Variants in PARD3B observed in about 807,000 individuals in gnomAD.
The protein encoded by PARD3B is par-3 family cell polarity regulator beta.
PARD3B carries 103 observed loss-of-function variants against 130.2 expected under a neutral mutation model. The observed-to-expected ratio is 0.79, with a 90% CI of 0.67 to 0.93. The LOEUF (loss-of-function observed/expected upper bound fraction) is 0.93, where lower values mean the gene tolerates loss of function less well. Ranked by LOEUF, PARD3B falls within the 40% of genes least tolerant of loss-of-function variation. The pLI is 0.00. For synonymous variants in PARD3B, 583 were observed against 553.2 expected (o/e 1.05, Z -0.76); for missense variants, 1,609 against 1,499.2 (o/e 1.07, Z -1.21).
chr2:204,586,788 T>C (rs1199493354), intron 1 of PARD3B, among the ~76,000 whole-genome samples: 1 of 152,210 alleles, frequency 6.6e-6, no homozygotes, highest in Non-Finnish European at 1.5e-5. Context: ...TATTTTAACA[T>C]AGTACGTGAA....
At chr2:204,800,895 A>G (rs184089073) in intron 2 of PARD3B, among the ~76,000 whole-genome samples, 3 of 152,220 alleles carry the variant, frequency 2.0e-5, no homozygotes, top group Non-Finnish European at 2.9e-5. Context: ...TGTATAAGGT[A>G]TAAGGAAGGG....
intron 3 of PARD3B, among the ~76,000 whole-genome samples, chr2:205,036,704 CA>C (rs1414753253): frequency 7.1e-6 from 1 of 140,876 alleles, no homozygotes; most frequent in Non-Finnish European, 1.6e-5. Flanking sequence ...ACTGTATGTA[CA>C]AAAAATATAT....
chr2:205,122,186 A>G lies in PARD3B; in HGVS notation c.1165+237A>G, dbSNP rs1559460912. On this transcript the variant is annotated intron_variant, in intron 8 of 22. Coordinates refer to ENST00000406610, the MANE Select transcript of PARD3B (RefSeq NM_001302769.2). The surrounding 1 kb of genome is among the most constrained non-coding windows in gnomAD (Gnocchi z 4.3). ...TAATAAAGACATGTTGGGAAGTGGA[A>G]AGAATCATTGCAAACCTGATATCAA... 6.6e-6 allele frequency among the ~76,000 whole-genome samples: 1 copy of G among 152,202 alleles called. No homozygotes were observed. Among genetic ancestry groups the G allele is most frequent in the Non-Finnish European group, 1.5e-5 (1 of 68,040 alleles).
Position 205,584,844 on chromosome 2 carries a change from G to A in PARD3B, c.3261-30612G>A, listed in dbSNP as rs1007282257. Among the ~76,000 whole-genome samples, 12 of 152,128 alleles carry A rather than the reference G, an allele frequency of 7.9e-5. No individual in the cohort carries two copies. The highest frequency in any genetic ancestry group is 2.9e-4 in the African/African-American group (12 of 41,434). ...AGTTTGAAGAGCTCATGTTCAGCCT[G>A]AGCCTTCTTTTTTGGAAAACACTTT... On this transcript the variant is annotated intron_variant, in intron 22 of 22. Coordinates refer to ENST00000406610, the MANE Select transcript of PARD3B (RefSeq NM_001302769.2). This position sits in a 1 kb window ranked among gnomAD's most constrained non-coding sequence, Gnocchi z 5.5.
chr2:204,631,116 G>A (rs768596131), intron 1 of PARD3B, among the ~76,000 whole-genome samples: 1 of 151,996 alleles, frequency 6.6e-6, no homozygotes, highest in Non-Finnish European at 1.5e-5. Context: ...TCTTAACACT[G>A]CTTTAGCTGA....
Position 205,302,065 on chromosome 2 carries a change from C to CTTTTTTTTTTTTTTTT in PARD3B, c.2630+372_2630+387dup, listed in dbSNP as rs3048088. On this transcript the variant is annotated intron_variant, in intron 18 of 22. Coordinates refer to ENST00000406610, the MANE Select transcript of PARD3B (RefSeq NM_001302769.2). ...CTATTCTTTTTTTCTTTTTTCTTTT[C>CTTTTTTTTTTTTTTTT]TTTTTTTTTTTTTTTTTTTTTTTGA... 7.3e-4 allele frequency among the ~76,000 whole-genome samples: 57 copies of CTTTTTTTTTTTTTTTT among 77,774 alleles called. 2 individuals are homozygous for CTTTTTTTTTTTTTTTT. Among genetic ancestry groups the CTTTTTTTTTTTTTTTT allele is most frequent in the South Asian group, 1.2e-3 (2 of 1,650 alleles). 51.0% of individuals were successfully genotyped at this position (77,774 alleles called of 152,430 possible).
chr2:205,268,954 T>C lies in PARD3B; in HGVS notation c.2185+23132T>C, dbSNP rs948878914. Reference sequence around the variant, plus strand: ...AGAGTATAGTCTTGAATAAAAGGTGTACCCAAGTATGAATAAAATAAGTAT... The same window carrying C: ...AGAGTATAGTCTTGAATAAAAGGTGCACCCAAGTATGAATAAAATAAGTAT... On this transcript the variant is annotated intron_variant, in intron 16 of 22. Transcript: ENST00000406610. This position sits in a 1 kb window ranked among gnomAD's most constrained non-coding sequence, Gnocchi z 4.1. Among the ~76,000 whole-genome samples, 3 of 152,142 alleles carry C rather than the reference T, an allele frequency of 2.0e-5. No homozygotes were observed. The highest frequency in any genetic ancestry group is 7.2e-5 in the African/African-American group (3 of 41,436).
At chr2:205,381,587 A>T (rs1298818504) in intron 18 of PARD3B, among the ~76,000 whole-genome samples, 1 of 151,906 alleles carries the variant, frequency 6.6e-6, no homozygotes, top group East Asian at 1.9e-4. Context: ...TTTTAGAGTA[A>T]TCCTTCCAGC....
chr2:205,031,775 A>G (rs1293119389), intron 3 of PARD3B, among the ~76,000 whole-genome samples: 1 of 152,202 alleles, frequency 6.6e-6, no homozygotes, highest in African/African-American at 2.4e-5. Flanking sequence ...CTGCAAGTTA[A>G]TAAGTAGCTC....
At chr2:204,838,641 T>C (rs1420379388) in intron 2 of PARD3B, among the ~76,000 whole-genome samples, 1 of 152,080 alleles carries the variant, frequency 6.6e-6, no homozygotes, top group Non-Finnish European at 1.5e-5. Flanking sequence ...TAAGACCTAG[T>C]GTTTGATAGA....
At chr2:205,435,192 A>G (rs912028606) in intron 19 of PARD3B, among the ~76,000 whole-genome samples, 1 of 152,070 alleles carries the variant, frequency 6.6e-6, no homozygotes, top group Non-Finnish European at 1.5e-5. Context: ...ATTCTTCCAG[A>G]CATTTTCTAT....
intron 2 of PARD3B, among the ~76,000 whole-genome samples, chr2:204,804,922 A>G (rs1040192978): frequency 6.6e-6 from 1 of 152,200 alleles, no homozygotes; most frequent in Non-Finnish European, 1.5e-5. Context: ...AAATTCCTTG[A>G]AACAAAATGT....
rs191497888 is a variant in PARD3B at position 204,783,900 on chromosome 2, T to G, written c.222+97618T>G. Reference sequence around the variant, plus strand: ...TTCGATGAGATTTCTTTTGGCTTTTTGGAATACAGTATAAAAACTAGTTTC... The same window carrying G: ...TTCGATGAGATTTCTTTTGGCTTTTGGGAATACAGTATAAAAACTAGTTTC... On this transcript the variant is annotated intron_variant, in intron 2 of 22. Coordinates refer to ENST00000406610, the MANE Select transcript of PARD3B (RefSeq NM_001302769.2). Among the ~76,000 whole-genome samples, 40 of 152,326 alleles carry G rather than the reference T, an allele frequency of 2.6e-4. 1 individual carries two copies. Among genetic ancestry groups the G allele is most frequent in the Admixed American group, 9.8e-4 (15 of 15,304 alleles).
intron 20 of PARD3B, among the ~76,000 whole-genome samples, chr2:205,481,255 G>C (rs1191480082): frequency 6.6e-6 from 1 of 152,142 alleles, no homozygotes; most frequent in Admixed American, 6.5e-5. Context: ...CATAGAGCAG[G>C]GTGTGGGTGA....
intron 21 of PARD3B, among the ~76,000 whole-genome samples, chr2:205,522,652 G>A (rs1395654541): frequency 6.6e-6 from 1 of 152,022 alleles, no homozygotes; most frequent in East Asian, 1.9e-4. Flanking sequence ...AAAATATCTT[G>A]GCTTGTGGTA....
At chr2:205,381,447 G>T (rs1349621874) in intron 18 of PARD3B, among the ~76,000 whole-genome samples, 1 of 151,300 alleles carries the variant, frequency 6.6e-6, no homozygotes, top group African/African-American at 2.4e-5. Context: ...AAAAGGCTGT[G>T]TTCAAAGTAG....
rs140313277 is a variant in PARD3B at position 205,440,256 on chromosome 2, A to T, written c.2742-114A>T. The T allele has an allele frequency of 1.6e-5, 17 of 1,032,590 alleles. No homozygotes were observed. In the East Asian group the frequency reaches 4.4e-4, roughly 26 times the overall value. 64.0% of individuals were successfully genotyped at this position (1,032,590 alleles called of 1,614,324 possible). A position where few individuals can be genotyped will look rare whatever the true frequency, so the allele number is the denominator to read the frequency against. On this transcript the variant is annotated intron_variant, in intron 19 of 22. Transcript: ENST00000406610. This position sits in a 1 kb window ranked among gnomAD's most constrained non-coding sequence, Gnocchi z 4.2. ...CTGCATGCTGTGATCTTGAGTAAAC[A>T]GGAGAATGACAGCTAAGAGACGAGG...
Position 205,322,889 on chromosome 2 carries a change from C to CTTTTTTTT in PARD3B, c.2630+21223_2630+21230dup, listed in dbSNP as rs71032461. ...TGTTGTTATATCATTATTAACACCT[C>CTTTTTTTT]TTTTTTTTTTTTTTTTTTTTTTTTT... is the stretch of plus-strand genomic sequence containing the variant. On this transcript the variant is annotated intron_variant, in intron 18 of 22. Transcript: ENST00000406610. Among the ~76,000 whole-genome samples the CTTTTTTTT allele has an allele frequency of 1.2e-3, 64 of 51,468 alleles. 7 individuals are homozygous for CTTTTTTTT. Among genetic ancestry groups the CTTTTTTTT allele is most frequent in the Non-Finnish European group, 1.9e-3 (49 of 26,334 alleles). 33.8% of individuals were successfully genotyped at this position (51,468 alleles called of 152,430 possible).
At chr2:204,811,492 T>A (rs1260968533) in intron 2 of PARD3B, among the ~76,000 whole-genome samples, 1 of 152,128 alleles carries the variant, frequency 6.6e-6, no homozygotes, top group Non-Finnish European at 1.5e-5. Flanking sequence ...ACTTGTAGAT[T>A]TCTGAGTATA....
Sources: gnomAD v4.1 joint callset for allele counts (sites outside exome capture counted in the v4.1 genomes callset) on GRCh38, gnomAD v4.1.1 for gene constraint, Gnocchi (gnomAD v3.1) non-coding constraint, MANE v1.5 for transcripts, NCBI Gene and HGNC (gene_info 2026-07-23, HGNC 2026-07-21) for gene names.